Variants in DHRS12 observed in about 807,000 individuals in gnomAD.
The protein encoded by DHRS12 is dehydrogenase/reductase 12, also known as dehydrogenase/reductase SDR family member 12.
In DHRS12, 29 loss-of-function variants were observed where a neutral mutation model predicts 32.1. The ratio of observed to expected loss-of-function variants is 0.90; its 90% CI spans 0.67 to 1.23. The LOEUF (loss-of-function observed/expected upper bound fraction) is 1.23. Among genes scored for constraint, DHRS12 ranks in the 50% most tolerant of loss-of-function variants. The pLI, the probability that DHRS12 is intolerant of heterozygous loss-of-function variation, is 0.00. For missense variants in DHRS12, 330 were observed against 337.2 expected (o/e 0.98, Z 0.17); for synonymous variants, 150 against 135.9 (o/e 1.10, Z -0.72).
At chr13:51,755,542 G>T in the DHRS12 span, 2 of 1,367,348 alleles carry the variant, frequency 1.5e-6, no homozygotes, top group Non-Finnish European at 1.0e-6. Context: ...AACACCCCTG[G>T]GTGGGAGTTG....
downstream of DHRS12, chr13:51,767,972 G>T (rs1953826561): frequency 7.3e-7 from 1 of 1,362,670 alleles, no homozygotes; most frequent in Admixed American, 3.2e-5. Context: ...CTTAAAATAA[G>T]AAAAGAACCT....
intron 7 of DHRS12, chr13:51,771,563 C>T (rs1018008661): frequency 3.8e-6 from 6 of 1,587,366 alleles, no homozygotes; most frequent in Non-Finnish European, 5.1e-6. Flanking sequence ...TAGCAGGGCG[C>T]CCCAGGCGCA....
chr13:51,760,057 G>T, the DHRS12 span: 1 of 319,034 alleles, frequency 3.1e-6, no homozygotes, highest in Non-Finnish European at 5.7e-6. Context: ...AATCTGTGTG[G>T]GGTGTTTAAT....
Position 51,782,347 on chromosome 13 carries a change from C to G in DHRS12, c.302-5226G>C, listed in dbSNP as rs990140773. ...TGGGAGGGATGCCAACATTTAAAGT[C>G]CCCGCAGACACGCTGCAGCTGGCTA... On this transcript the variant is annotated intron_variant, in intron 4 of 8. Coordinates refer to ENST00000444610, the MANE Select transcript of DHRS12 (RefSeq NM_001377533.1). The surrounding 1 kb of genome is among the most constrained non-coding windows in gnomAD (Gnocchi z 4.2). Among the ~76,000 whole-genome samples the G allele has an allele frequency of 5.3e-5, 8 of 152,112 alleles. No homozygotes were observed. Among genetic ancestry groups the G allele is most frequent in the Non-Finnish European group, 1.5e-5 (1 of 68,006 alleles).
chr13:51,772,777 G>A (rs1954091307), intron 6 of DHRS12: 1 of 985,462 alleles, frequency 1.0e-6, no homozygotes, highest in Non-Finnish European at 1.2e-6. Context: ...TCATTTACAA[G>A]TGGATGGTTT....
At chr13:51,764,564 G>C (rs747157970), downstream of DHRS12, 2 of 152,510 alleles carry the variant, frequency 1.3e-5, no homozygotes, top group Non-Finnish European at 2.9e-5. Flanking sequence ...AATTGAGCTC[G>C]TCACTATCAG....
At chr13:51,755,540 TG>T in the DHRS12 span, 66 of 1,374,006 alleles carry the variant, frequency 4.8e-5, no homozygotes, top group Admixed American at 1.1e-3. Flanking sequence ...ATAACACCCC[TG>T]GGTGGGAGTT....
chr13:51,786,676 G>A (rs575099029), intron 4 of DHRS12, among the ~76,000 whole-genome samples: 30 of 152,328 alleles, frequency 2.0e-4, no homozygotes, highest in African/African-American at 7.2e-4. Context: ...CAACAAAGCC[G>A]TGTGTAGGCA....
chr13:51,780,349 A>G (rs760339153), intron 4 of DHRS12, among the ~76,000 whole-genome samples: 4 of 152,142 alleles, frequency 2.6e-5, no homozygotes, highest in Non-Finnish European at 5.9e-5. Context: ...CATTTGGGTG[A>G]TTCAAGGTTT....
In DHRS12 at chr13:51,768,205, C is replaced by G. The variant is rs1367051491; in HGVS notation, c.789G>C (p.Leu263=). The G allele has an allele frequency of 7.8e-6, 12 of 1,536,052 alleles. No homozygotes were observed. The East Asian group carries it at 2.7e-4, about 34-fold the overall frequency. ...GGTTGGCCTATTTAAATGTCTGAGC[C>G]AGCTGTTCCAGGATTTCAATGAGTT... ...EEKLIEILEQ[L]AQTFK is the part of the protein sequence containing the mutation. The change falls in exon 9 of 9, where the codon CTG becomes CTC. Residue 263 remains leucine, a synonymous_variant. Coordinates refer to ENST00000444610, the MANE Select transcript of DHRS12 (RefSeq NM_001377533.1).
At chr13:51,759,044 T>C in the DHRS12 span, among the ~76,000 whole-genome samples, 1 of 152,022 alleles carries the variant, frequency 6.6e-6, no homozygotes, top group Admixed American at 6.5e-5. Context: ...TAGCCAGACG[T>C]GGTGGTTCCT....
chr13:51,803,619 A>G (rs2139499828), intron 1 of DHRS12: 1 of 153,812 alleles, frequency 6.5e-6, no homozygotes. Flanking sequence ...GCATCTTTTT[A>G]AAGGAAACAC....
chr13:51,777,685 A>G (rs1163914034), intron 4 of DHRS12, among the ~76,000 whole-genome samples: 1 of 152,258 alleles, frequency 6.6e-6, no homozygotes, highest in Non-Finnish European at 1.5e-5. Context: ...TTCCTAATAT[A>G]TATGGAATGA....
intron 4 of DHRS12, 157 bp from the exon 5 acceptor site, chr13:51,777,278 G>A: frequency 1.4e-6 from 1 of 693,932 alleles, no homozygotes; most frequent in South Asian, 1.7e-5. Context: ...GATCCTTCAA[G>A]CCAAATGTTC....
At chr13:51,797,100 C>A (rs763642727) in intron 2 of DHRS12, among the ~76,000 whole-genome samples, 1 of 152,140 alleles carries the variant, frequency 6.6e-6, no homozygotes, top group East Asian at 1.9e-4. Flanking sequence ...TGACAGTGAG[C>A]GAGCAGCCAT....
the DHRS12 span, chr13:51,758,148 T>C: frequency 6.8e-7 from 1 of 1,472,104 alleles, no homozygotes; most frequent in Non-Finnish European, 9.3e-7. Context: ...CTCATTCATA[T>C]GTCACCACCT....
At chr13:51,789,772 T>A (rs1955176478) in intron 4 of DHRS12, 1 of 985,236 alleles carries the variant, frequency 1.0e-6, no homozygotes, top group Admixed American at 6.2e-5. Context: ...GCCTAGCGCT[T>A]CCTAGGAAAA....
chr13:51,779,528 G>C (rs1294891038), intron 4 of DHRS12, among the ~76,000 whole-genome samples: 1 of 152,198 alleles, frequency 6.6e-6, no homozygotes, highest in Non-Finnish European at 1.5e-5. Flanking sequence ...ATGCTGAATG[G>C]AGGACAGGTG....
At chr13:51,795,627 C>T (rs1346293047) in intron 2 of DHRS12, among the ~76,000 whole-genome samples, 1 of 152,116 alleles carries the variant, frequency 6.6e-6, no homozygotes, top group Non-Finnish European at 1.5e-5. Context: ...AGATTAGTAA[C>T]AACAGGAAAC....
Sources: gnomAD v4.1 joint callset for allele counts (sites outside exome capture counted in the v4.1 genomes callset) on GRCh38, gnomAD v4.1.1 for gene constraint, Gnocchi (gnomAD v3.1) non-coding constraint, MANE v1.5 for transcripts, NCBI Gene and HGNC (gene_info 2026-07-23, HGNC 2026-07-21) for gene names.